Variants in VPS41 observed in about 807,000 individuals in gnomAD.
VPS41 encodes vacuolar protein sorting-associated protein 41 homolog.
In VPS41, 85 loss-of-function variants were observed where a neutral mutation model predicts 130.9. That is an observed-to-expected ratio of 0.65 (90% confidence interval 0.55 to 0.78). The LOEUF (loss-of-function observed/expected upper bound fraction) is 0.78. VPS41 is among the 30% of genes least tolerant of loss of function. The pLI, the probability that VPS41 is intolerant of heterozygous loss-of-function variation, is 0.00. For synonymous variants in VPS41, 335 were observed against 332.9 expected, an observed-to-expected ratio of 1.01 and a Z score of -0.07; for missense variants, 874 against 1,018.7, an observed-to-expected ratio of 0.86 and a Z score of 1.93.
chr7:38,729,224 T>C (rs1362673110), intron 25 of VPS41, among the ~76,000 whole-genome samples: 1 of 152,218 alleles, frequency 6.6e-6, no homozygotes, highest in Non-Finnish European at 1.5e-5. Flanking sequence ...TCCAAAATCA[T>C]CAATTTATTT....
At chr7:38,737,740 A>G (rs1795798307) in intron 25 of VPS41, among the ~76,000 whole-genome samples, 2 of 151,784 alleles carry the variant, frequency 1.3e-5, no homozygotes, top group Admixed American at 1.3e-4. Flanking sequence ...CACAGTGGAA[A>G]CTCCTGAGTG....
intron 15 of VPS41, among the ~76,000 whole-genome samples, chr7:38,766,053 T>C (rs965480612): frequency 2.0e-5 from 3 of 152,240 alleles, no homozygotes; most frequent in Non-Finnish European, 4.4e-5. Context: ...CCTTTCTAAA[T>C]GGCTTTAAAT....
intron 23 of VPS41, among the ~76,000 whole-genome samples, chr7:38,745,230 T>G (rs1014790983): frequency 6.6e-6 from 1 of 152,212 alleles, no homozygotes; most frequent in Admixed American, 6.5e-5. Context: ...TTTCTACCAA[T>G]ATGATGGTAA....
chr7:38,756,046 C>T (rs1783784004), intron 19 of VPS41, among the ~76,000 whole-genome samples: 1 of 152,180 alleles, frequency 6.6e-6, no homozygotes, highest in East Asian at 1.9e-4. Flanking sequence ...TAATATAGCA[C>T]ACAATATCTC....
chr7:38,890,328 C>T (rs779616610), intron 2 of VPS41, among the ~76,000 whole-genome samples: 4 of 152,112 alleles, frequency 2.6e-5, no homozygotes, highest in Non-Finnish European at 5.9e-5. Context: ...ATGTATAAAA[C>T]GACAAAATTA....
Position 38,790,947 on chromosome 7 carries a change from T to C in VPS41, c.718-1080A>G, listed in dbSNP as rs1053733451. Among the ~76,000 whole-genome samples the C allele has an allele frequency of 2.0e-5, 3 of 152,296 alleles. No individual in the cohort carries two copies. In the East Asian group the frequency reaches 5.8e-4, roughly 29 times the overall value. The stretch of plus-strand genomic sequence containing the variant: ...TTCCTAGAAGTAGAATTGATACCAA[T>C]GGGTACATAAACTTTTGTAAGGTTT... On this transcript the variant is annotated intron_variant, in intron 9 of 28. Coordinates refer to ENST00000310301, the MANE Select transcript of VPS41 (RefSeq NM_014396.4).
intron 4 of VPS41, among the ~76,000 whole-genome samples, chr7:38,849,612 G>A (rs1283829181): frequency 6.6e-6 from 1 of 152,136 alleles, no homozygotes; most frequent in African/African-American, 2.4e-5. Context: ...GCCTACCAGC[G>A]TGCCGGTGTC....
At chr7:38,855,925 G>A (rs1785972212) in intron 4 of VPS41, among the ~76,000 whole-genome samples, 1 of 152,146 alleles carries the variant, frequency 6.6e-6, no homozygotes. Context: ...ATCATAGAGT[G>A]GCTTAAACAA....
At chr7:38,796,330 G>A in intron 8 of VPS41, 1 of 380,936 alleles carries the variant, frequency 2.6e-6, no homozygotes, top group Non-Finnish European at 5.1e-6. Context: ...TTACAGACAG[G>A]TCTATACTTC....
intron 22 of VPS41, among the ~76,000 whole-genome samples, chr7:38,751,791 A>G (rs1373625911): frequency 2.6e-5 from 4 of 152,184 alleles, no homozygotes; most frequent in Non-Finnish European, 5.9e-5. Context: ...TCCTGACTGG[A>G]GCAACTGCTT....
chr7:38,726,433 T>C lies in VPS41; in HGVS notation c.2485-107A>G, dbSNP rs1285596763. 6.4e-5 allele frequency: 51 copies of C among 795,280 alleles called. 1 individual carries two copies. Among genetic ancestry groups the C allele is most frequent in the South Asian group, 1.8e-4 (11 of 62,742 alleles). The allele number at this position is 795,280 out of a possible 1,614,324, so 49.3% of individuals were successfully genotyped here. A position where few individuals can be genotyped will look rare whatever the true frequency, so the allele number is the denominator to read the frequency against. On this transcript the variant is annotated intron_variant, in intron 28 of 28. Coordinates refer to ENST00000310301, the MANE Select transcript of VPS41 (RefSeq NM_014396.4). ...TAGTCAGGGGGTGGAGAGGAAGTAA[T>C]AGGATGGCACTCCTTTCTCTGGAGT... is the stretch of plus-strand genomic sequence containing the variant.
rs1398786858 is a variant in VPS41, at chr7:38,771,270, A to T, written c.1129-16T>A. On this transcript the variant is annotated splice_polypyrimidine_tract_variant and intron_variant, in intron 13 of 28. Coordinates refer to ENST00000310301, the MANE Select transcript of VPS41 (RefSeq NM_014396.4). ...TCAATGCTTCCTTTATTCCAAACAT[A>T]AGGATGATTTAAAAAAAAAAAAAAG... The T allele has an allele frequency of 6.5e-7, 1 of 1,541,412 alleles. No homozygotes were observed. Among genetic ancestry groups the T allele is most frequent in the African/African-American group, 1.5e-5 (1 of 65,766 alleles).
Position 38,723,430 on chromosome 7 carries a change from G to A in VPS41, c.*2816C>T, listed in dbSNP as rs1175066296. On this transcript the variant is annotated 3_prime_UTR_variant, in exon 29 of 29. Coordinates refer to ENST00000310301, the MANE Select transcript of VPS41 (RefSeq NM_014396.4). ...TGCACCTGGCTGTTTTACACTTCAA[G>A]AATAGCTTTCTTGGCTGGGCATGGT... 1 of 152,094 alleles carries A rather than the reference G, an allele frequency of 6.6e-6. No individual in the cohort carries two copies. Among genetic ancestry groups the A allele is most frequent in the African/African-American group, 2.4e-5 (1 of 41,418 alleles). The allele number at this position is 152,094 out of a possible 1,614,324, so 9.4% of individuals were successfully genotyped here. A position where few individuals can be genotyped will look rare whatever the true frequency, so the allele number is the denominator to read the frequency against.
chr7:38,777,434 A>G (rs1276869894), intron 10 of VPS41, among the ~76,000 whole-genome samples: 1 of 152,230 alleles, frequency 6.6e-6, no homozygotes, highest in Non-Finnish European at 1.5e-5. Flanking sequence ...TGTGACTTTA[A>G]TTGCACTGGA....
intron 7 of VPS41, among the ~76,000 whole-genome samples, chr7:38,814,700 T>C (rs1220065216): frequency 6.6e-6 from 1 of 151,828 alleles, no homozygotes; most frequent in Admixed American, 6.6e-5. Flanking sequence ...CAGCAAAATC[T>C]CTCCTCCAAA....
intron 17 of VPS41, among the ~76,000 whole-genome samples, chr7:38,762,592 T>C (rs1783944603): frequency 6.6e-6 from 1 of 152,198 alleles, no homozygotes; most frequent in South Asian, 2.1e-4. Flanking sequence ...AGTTTGTTTT[T>C]TGTAATCTGA....
intron 4 of VPS41, among the ~76,000 whole-genome samples, chr7:38,839,763 T>G (rs1785571344): frequency 6.6e-6 from 1 of 152,168 alleles, no homozygotes; most frequent in Admixed American, 6.5e-5. Context: ...GAACAGTATA[T>G]TCTTTAACTA....
intron 7 of VPS41, among the ~76,000 whole-genome samples, chr7:38,807,305 T>C (rs1437191270): frequency 6.6e-6 from 1 of 152,192 alleles, no homozygotes; most frequent in Non-Finnish European, 1.5e-5. Flanking sequence ...CACAGCTAAT[T>C]CACTATTGTT....
At chr7:38,821,298 TGACAGCAATAGAGAAGGCTAC>T in intron 5 of VPS41, 33 bp from the exon 6 acceptor site, 1 of 1,512,820 alleles carries the variant, frequency 6.6e-7, no homozygotes. Flanking sequence ...CAGCTCACCA[TGACAGCAATAGAGAAGGCTAC>T]TGAGTCAGTA....
Sources: gnomAD v4.1 joint callset for allele counts (sites outside exome capture counted in the v4.1 genomes callset) on GRCh38, gnomAD v4.1.1 for gene constraint, MANE v1.5 for transcripts, NCBI Gene and HGNC (gene_info 2026-07-23, HGNC 2026-07-21) for gene names.